KCNH1: variants seen among roughly 807,000 people sequenced by gnomAD.
The protein encoded by KCNH1 is potassium voltage-gated channel subfamily H member 1.
In KCNH1, 27 loss-of-function variants were observed where a neutral mutation model predicts 69.2. The observed-to-expected ratio is 0.39, with a 90% CI of 0.29 to 0.54. The LOEUF is 0.54. KCNH1 is among the 20% of genes least tolerant of loss of function. The probability of loss-of-function intolerance (pLI) is 0.68; values close to 1 mark genes in which losing one functional copy is unlikely to be tolerated. For synonymous variants in KCNH1, 456 were observed against 487.7 expected (o/e 0.93, Z 0.86); for missense variants, 798 against 1,261.6 (o/e 0.63, Z 5.57).
In KCNH1 at chr1:210,919,614, C is replaced by T. The variant is rs769469784; in HGVS notation, c.1462+26G>A. On this transcript the variant is annotated intron_variant, in intron 7 of 10. Transcript: ENST00000271751. The surrounding 1 kb of genome is among the most constrained non-coding windows in gnomAD (Gnocchi z 4.2). ...TCCAGCTAACAGAAGAGATGGCCAA[C>T]CCCACCCCAGCACTGTCATACTTAC... 11 of 1,590,324 alleles carry T rather than the reference C, an allele frequency of 6.9e-6. No homozygotes were observed. Among genetic ancestry groups the T allele is most frequent in the Non-Finnish European group, 8.6e-6 (10 of 1,164,418 alleles).
At chr1:210,977,865 G>T (rs1688643026) in intron 6 of KCNH1, among the ~76,000 whole-genome samples, 1 of 151,834 alleles carries the variant, frequency 6.6e-6, no homozygotes, top group African/African-American at 2.4e-5. Flanking sequence ...ATCAAATCAG[G>T]GTAAGTAGCA....
intron 6 of KCNH1, among the ~76,000 whole-genome samples, chr1:210,929,423 A>G (rs1465785017): frequency 6.6e-6 from 1 of 152,176 alleles, no homozygotes; most frequent in Admixed American, 6.5e-5. Flanking sequence ...TTAAAAACAA[A>G]AATCACATGA....
intron 6 of KCNH1, among the ~76,000 whole-genome samples, chr1:210,941,325 G>A (rs1461904305): frequency 6.6e-6 from 1 of 152,154 alleles, no homozygotes; most frequent in African/African-American, 2.4e-5. Context: ...AAGTAAGAAG[G>A]TAGAAGCCTC....
intron 6 of KCNH1, among the ~76,000 whole-genome samples, chr1:210,934,238 G>A (rs78330241): frequency 0.017 from 2,530 of 152,316 alleles, 70 homozygotes; most frequent in African/African-American, 0.058. Flanking sequence ...AATCCATAGA[G>A]TGAAGAGACA....
intron 1 of KCNH1, among the ~76,000 whole-genome samples, chr1:211,118,104 G>A (rs1448007663): frequency 6.6e-6 from 1 of 152,180 alleles, no homozygotes; most frequent in African/African-American, 2.4e-5. Context: ...ATATTAAAAT[G>A]TGCCATGTTG....
intron 10 of KCNH1, among the ~76,000 whole-genome samples, chr1:210,748,065 G>T (rs1216745314): frequency 2.0e-5 from 3 of 152,218 alleles, no homozygotes; most frequent in Non-Finnish European, 4.4e-5. Context: ...CAGGGGCAGA[G>T]CTCTGGTTTC....
intron 6 of KCNH1, among the ~76,000 whole-genome samples, chr1:210,975,006 A>T (rs1454255871): frequency 6.6e-6 from 1 of 152,158 alleles, no homozygotes; most frequent in Admixed American, 6.5e-5. Context: ...TGATAAAAAG[A>T]TATATTTAAA....
chr1:210,845,476 A>C (rs1223186726), intron 7 of KCNH1, among the ~76,000 whole-genome samples: 643 of 122,206 alleles, frequency 5.3e-3, no homozygotes, highest in South Asian at 9.9e-3. Context: ...AAAGACAAAA[A>C]CCACATGATT....
chr1:210,695,205 A>G (rs1681612578), intron 10 of KCNH1, among the ~76,000 whole-genome samples: 1 of 152,250 alleles, frequency 6.6e-6, no homozygotes, highest in African/African-American at 2.4e-5. Flanking sequence ...GTTCCTAAGC[A>G]GCTGCCACCA....
chr1:210,735,790 C>T lies in KCNH1; in HGVS notation c.2112+39558G>A, dbSNP rs548641129. Among the ~76,000 whole-genome samples, 120 of 139,336 alleles carry T rather than the reference C, an allele frequency of 8.6e-4. 1 individual carries two copies. In the East Asian group the frequency reaches 0.019, roughly 23 times the overall value. The allele number at this position is 139,336 out of a possible 152,430, so 91.4% of individuals were successfully genotyped here. On this transcript the variant is annotated intron_variant, in intron 10 of 10. Coordinates refer to ENST00000271751, the MANE Select transcript of KCNH1 (RefSeq NM_172362.3). ...ACACATGCACATGCATGCATGCATG[C>T]ATACACAGACACACACACACACACA...
intron 7 of KCNH1, among the ~76,000 whole-genome samples, chr1:210,863,327 C>G (rs538168474): frequency 6.6e-6 from 1 of 152,260 alleles, no homozygotes; most frequent in Admixed American, 6.5e-5. Flanking sequence ...TTAGGCTCTT[C>G]ATTTTACAAA....
intron 10 of KCNH1, among the ~76,000 whole-genome samples, chr1:210,744,257 C>A (rs911562388): frequency 6.6e-6 from 1 of 152,184 alleles, no homozygotes; most frequent in Non-Finnish European, 1.5e-5. Flanking sequence ...TAAGTCTATT[C>A]CTTAACCTCT....
At chr1:210,818,436 C>T (rs1684862081) in intron 7 of KCNH1, among the ~76,000 whole-genome samples, 1 of 152,152 alleles carries the variant, frequency 6.6e-6, no homozygotes, top group Non-Finnish European at 1.5e-5. Context: ...TCATAGTAAT[C>T]AGAGCTTTGC....
In KCNH1 at chr1:211,070,424, A is replaced by ACACACACAC. The variant is rs1232138926; in HGVS notation, c.558+12355_558+12356insGTGTGTGTG. On this transcript the variant is annotated intron_variant, in intron 5 of 10. Transcript: ENST00000271751. ...CAGAGCGAGACTCCACCTTTAAAAA[A>ACACACACAC]AAAAAAACACACACACACACACACA... Among the ~76,000 whole-genome samples, 628 of 109,976 alleles carry ACACACACAC rather than the reference A, an allele frequency of 5.7e-3. 7 individuals are homozygous for ACACACACAC. Among genetic ancestry groups the ACACACACAC allele is most frequent in the South Asian group, 9.7e-3 (31 of 3,198 alleles). 72.1% of individuals were successfully genotyped at this position (109,976 alleles called of 152,430 possible). A position where few individuals can be genotyped will look rare whatever the true frequency, so the allele number is the denominator to read the frequency against.
intron 6 of KCNH1, among the ~76,000 whole-genome samples, chr1:210,955,615 C>A (rs373607574): frequency 1.3e-5 from 2 of 152,156 alleles, no homozygotes; most frequent in Non-Finnish European, 2.9e-5. Context: ...AGGGGTCATT[C>A]ACATCCCTTG....
intron 6 of KCNH1, among the ~76,000 whole-genome samples, chr1:210,935,740 A>G (rs1475873574): frequency 6.6e-6 from 1 of 152,226 alleles, no homozygotes; most frequent in Non-Finnish European, 1.5e-5. Flanking sequence ...TTCAAGTTGG[A>G]TCAATATGGA....
rs186688248 is a variant in KCNH1, at chr1:210,919,603, G to A, written c.1462+37C>T. ...ATTTCCCTGTTTCCAGCTAACAGAAGAGATGGCCAACCCCACCCCAGCACT... is the reference window on the plus strand; with the variant it reads ...ATTTCCCTGTTTCCAGCTAACAGAAAAGATGGCCAACCCCACCCCAGCACT... On this transcript the variant is annotated intron_variant, in intron 7 of 10. Transcript: ENST00000271751. This position sits in a 1 kb window ranked among gnomAD's most constrained non-coding sequence, Gnocchi z 4.2. The A allele has an allele frequency of 7.5e-5, 117 of 1,569,064 alleles. No individual in the cohort carries two copies. The African/African-American group carries it at 1.4e-3, about 19-fold the overall frequency.
chr1:211,038,504 G>C (rs1019545216), intron 5 of KCNH1, among the ~76,000 whole-genome samples: 5 of 152,226 alleles, frequency 3.3e-5, no homozygotes, highest in African/African-American at 1.2e-4. Context: ...GGTTGGAACA[G>C]TTTGGAGGGC....
At chr1:211,110,311 T>C (rs1395313571) in intron 1 of KCNH1, among the ~76,000 whole-genome samples, 1 of 152,072 alleles carries the variant, frequency 6.6e-6, no homozygotes, top group Non-Finnish European at 1.5e-5. Context: ...GCTCCAAATG[T>C]AGAAAGCAAG....
Sources: gnomAD v4.1 joint callset for allele counts (sites outside exome capture counted in the v4.1 genomes callset) on GRCh38, gnomAD v4.1.1 for gene constraint, Gnocchi (gnomAD v3.1) non-coding constraint, MANE v1.5 for transcripts, NCBI Gene and HGNC (gene_info 2026-07-23, HGNC 2026-07-21) for gene names.